The following GRID2 variants were observed in gnomAD, a reference collection of about 807,000 sequenced individuals.
GRID2 encodes the protein glutamate ionotropic receptor delta type subunit 2, also known as glutamate receptor ionotropic, delta-2.
GRID2 carries 33 observed loss-of-function variants against 114.8 expected under a neutral mutation model. The observed-to-expected ratio is 0.29, with a 90% confidence interval of 0.22 to 0.38. The LOEUF (loss-of-function observed/expected upper bound fraction) is 0.38. GRID2 is among the 10% of genes least tolerant of loss of function. The pLI is 1.00. For synonymous variants in GRID2, 505 were observed against 449.9 expected, an observed-to-expected ratio of 1.12 and a Z score of -1.55; for missense variants, 1,184 against 1,257.7, an observed-to-expected ratio of 0.94 and a Z score of 0.89.
In GRID2 at chr4:92,877,838, T is replaced by A. The variant is rs577116542; in HGVS notation, c.245-207157T>A. ...GGAGAATGACTTAAGATTTCAAGAT[T>A]GGGGAGGCTTTTTATATTTTACTCT... On this transcript the variant is annotated intron_variant, in intron 2 of 15. Coordinates refer to ENST00000282020, the MANE Select transcript of GRID2 (RefSeq NM_001510.4). Among the ~76,000 whole-genome samples, 10 of 152,272 alleles carry A rather than the reference T, an allele frequency of 6.6e-5. No individual in the cohort carries two copies. The South Asian group carries it at 1.4e-3, about 22-fold the overall frequency.
intron 1 of GRID2, among the ~76,000 whole-genome samples, chr4:92,437,383 G>A (rs1382452309): frequency 1.3e-5 from 2 of 152,170 alleles, no homozygotes; most frequent in East Asian, 1.9e-4. Flanking sequence ...AGGTTCAAGC[G>A]ATTCTCATGT....
chr4:92,412,104 G>T (rs1189344374), intron 1 of GRID2, among the ~76,000 whole-genome samples: 1 of 149,228 alleles, frequency 6.7e-6, no homozygotes. Flanking sequence ...ATTATATATC[G>T]TGTTTTTTGT....
intron 1 of GRID2, among the ~76,000 whole-genome samples, chr4:92,393,789 C>A (rs1358931849): frequency 2.0e-5 from 3 of 152,088 alleles, no homozygotes; most frequent in African/African-American, 4.8e-5. Context: ...CATAATAAAG[C>A]TAACTCGATG....
chr4:93,382,509 A>G (rs1285197924), intron 8 of GRID2, among the ~76,000 whole-genome samples: 1 of 151,816 alleles, frequency 6.6e-6, no homozygotes, highest in African/African-American at 2.4e-5. Flanking sequence ...GCTTAAATCT[A>G]CCTTTGAAAA....
chr4:92,884,258 T>C (rs1371824463), intron 2 of GRID2, among the ~76,000 whole-genome samples: 1 of 152,206 alleles, frequency 6.6e-6, no homozygotes, highest in Non-Finnish European at 1.5e-5. Context: ...TCAGCCTTCA[T>C]AGAGTTGAAG....
chr4:92,710,851 C>T (rs1352909102), intron 2 of GRID2, among the ~76,000 whole-genome samples: 1 of 151,744 alleles, frequency 6.6e-6, no homozygotes, highest in African/African-American at 2.4e-5. Context: ...CCATAATAAA[C>T]TTATATTACT....
At chr4:92,729,183 AT>A (rs1370728394) in intron 2 of GRID2, among the ~76,000 whole-genome samples, 2 of 151,860 alleles carry the variant, frequency 1.3e-5, no homozygotes, top group Non-Finnish European at 2.9e-5. Context: ...GTTAAACTAT[AT>A]TTTTTTGACC....
chr4:92,439,874 G>A (rs12624201), intron 1 of GRID2, among the ~76,000 whole-genome samples: 24 of 144,708 alleles, frequency 1.7e-4, no homozygotes, highest in African/African-American at 4.7e-4. Flanking sequence ...ATGGCTTGGA[G>A]AAACAGTGTA....
rs1744816728 is a variant in GRID2, at chr4:92,865,779, G to A, written c.245-219216G>A. On this transcript the variant is annotated intron_variant, in intron 2 of 15. Coordinates refer to ENST00000282020, the MANE Select transcript of GRID2 (RefSeq NM_001510.4). ...GGACGACTGACTGAATAATATTTCGGCCATAAAGCATATGTGTTTTACAGT... is the reference window on the plus strand; with the variant it reads ...GGACGACTGACTGAATAATATTTCGACCATAAAGCATATGTGTTTTACAGT... 3.3e-5 allele frequency among the ~76,000 whole-genome samples: 5 copies of A among 152,240 alleles called. No individual in the cohort carries two copies. In the South Asian group the frequency reaches 1.0e-3, roughly 32 times the overall value.
In GRID2 at chr4:92,902,038, A is replaced by T. The variant is rs1380806400; in HGVS notation, c.245-182957A>T. On this transcript the variant is annotated intron_variant, in intron 2 of 15. Coordinates refer to ENST00000282020, the MANE Select transcript of GRID2 (RefSeq NM_001510.4). ...TTATATATTTGTTAGTACAGATTTA[A>T]CCTCACTACTTACTATTTTGGTGCA... is the stretch of plus-strand genomic sequence containing the variant. Among the ~76,000 whole-genome samples the T allele has an allele frequency of 2.0e-5, 3 of 152,058 alleles. No individual in the cohort carries two copies. The East Asian group carries it at 5.8e-4, about 29-fold the overall frequency.
intron 1 of GRID2, among the ~76,000 whole-genome samples, chr4:92,460,042 A>ATATATATATATG (rs1721412243): frequency 1.7e-5 from 2 of 114,450 alleles, no homozygotes; most frequent in African/African-American, 3.4e-5. Context: ...CTATATATAT[A>ATATATATATATG]TATATATATA....
intron 8 of GRID2, among the ~76,000 whole-genome samples, chr4:93,279,247 T>C (rs1028265484): frequency 6.6e-6 from 1 of 151,706 alleles, no homozygotes; most frequent in African/African-American, 2.4e-5. Flanking sequence ...TACTTTAAAA[T>C]TACATATCTA....
intron 14 of GRID2, among the ~76,000 whole-genome samples, chr4:93,706,557 G>A (rs1285069959): frequency 6.6e-6 from 1 of 152,098 alleles, no homozygotes; most frequent in Non-Finnish European, 1.5e-5. Context: ...ATTTTTGTAT[G>A]TTGATTTTGT....
intron 7 of GRID2, among the ~76,000 whole-genome samples, chr4:93,225,093 A>G (rs963711416): frequency 3.3e-5 from 5 of 152,206 alleles, no homozygotes; most frequent in Admixed American, 6.5e-5. Flanking sequence ...CTTTTAAAAA[A>G]ACACACGCCA....
intron 11 of GRID2, among the ~76,000 whole-genome samples, chr4:93,473,381 A>G (rs1725025375): frequency 6.6e-6 from 1 of 152,182 alleles, no homozygotes; most frequent in Admixed American, 6.5e-5. Flanking sequence ...AACAATTAAA[A>G]TCACATAAGT....
At chr4:92,781,168 C>G (rs896682734) in intron 2 of GRID2, among the ~76,000 whole-genome samples, 16 of 152,008 alleles carry the variant, frequency 1.1e-4, no homozygotes, top group Non-Finnish European at 5.9e-5. Context: ...ATCGCTTGAA[C>G]CTGGGAGGCA....
chr4:93,482,769 G>A (rs1250092954), intron 11 of GRID2, among the ~76,000 whole-genome samples: 2 of 151,920 alleles, frequency 1.3e-5, no homozygotes, highest in Non-Finnish European at 2.9e-5. Flanking sequence ...GTAACATGAT[G>A]TGATTTTTGT....
At chr4:92,802,568 C>T (rs753240991) in intron 2 of GRID2, among the ~76,000 whole-genome samples, 2 of 151,824 alleles carry the variant, frequency 1.3e-5, no homozygotes, top group South Asian at 2.1e-4. Flanking sequence ...TGTTTTCACA[C>T]AGCCATTGAA....
At chr4:92,734,401 C>A (rs1274842653) in intron 2 of GRID2, among the ~76,000 whole-genome samples, 1 of 152,030 alleles carries the variant, frequency 6.6e-6, no homozygotes, top group Non-Finnish European at 1.5e-5. Flanking sequence ...TCCACCTCAG[C>A]CTCCTGAGAA....
Sources: allele counts gnomAD v4.1 joint callset (sites outside exome capture counted in the v4.1 genomes callset), GRCh38; gene constraint gnomAD v4.1.1; transcripts MANE v1.5; gene names NCBI Gene and HGNC (gene_info 2026-07-23, HGNC 2026-07-21).